NR5A2: variants seen among roughly 807,000 people sequenced by gnomAD.
The protein encoded by NR5A2 is nuclear receptor subfamily 5 group A member 2, also known as CYP7A promoter-binding factor.
In NR5A2, 26 loss-of-function variants were observed where a neutral mutation model predicts 62.7. The observed-to-expected ratio is 0.41, with a 90% CI of 0.30 to 0.58. The LOEUF (loss-of-function observed/expected upper bound fraction) is 0.58. Ranked by LOEUF, NR5A2 falls within the 20% of genes least tolerant of loss-of-function variation. The probability of loss-of-function intolerance (pLI) is 0.22; values close to 1 mark genes in which losing one functional copy is unlikely to be tolerated. For missense variants in NR5A2, 541 were observed against 669.1 expected (o/e 0.81, Z 2.11); for synonymous variants, 246 against 241.7 (o/e 1.02, Z -0.16).
chr1:200,096,450 C>T (rs1033755015), intron 5 of NR5A2, among the ~76,000 whole-genome samples: 4 of 152,146 alleles, frequency 2.6e-5, no homozygotes, highest in Admixed American at 2.6e-4. Flanking sequence ...CTATGGAAAA[C>T]AGACTGTGGT....
At chr1:200,148,016 G>T in intron 7 of NR5A2, 2 of 306,836 alleles carry the variant, frequency 6.5e-6, no homozygotes, top group South Asian at 1.0e-4. Context: ...CGCCCAGTTC[G>T]AAGGCCACGT....
At chr1:200,062,779 T>C (rs1663284955) in intron 5 of NR5A2, among the ~76,000 whole-genome samples, 1 of 152,186 alleles carries the variant, frequency 6.6e-6, no homozygotes, top group African/African-American at 2.4e-5. Flanking sequence ...AAAGCTCTAC[T>C]GCTAAAAACT....
At chr1:200,151,950 A>G (rs1017809534) in intron 7 of NR5A2, among the ~76,000 whole-genome samples, 1 of 152,260 alleles carries the variant, frequency 6.6e-6, no homozygotes, top group Non-Finnish European at 1.5e-5. Flanking sequence ...GGTCTTAATC[A>G]GATCCAGGAG....
rs7532318 is a variant in NR5A2 at position 200,130,321 on chromosome 1, G to A, written c.1378+9366G>A. ...AGAAGAAGAAGAAGAAGAAGAAGAAGAAAAAAAAAATCCAACAGAGAAATT... is the reference window on the plus strand; with the variant it reads ...AGAAGAAGAAGAAGAAGAAGAAGAAAAAAAAAAAAATCCAACAGAGAAATT... On this transcript the variant is annotated intron_variant, in intron 7 of 7. Coordinates refer to ENST00000367362, the MANE Select transcript of NR5A2 (RefSeq NM_205860.3). 3.5e-3 allele frequency among the ~76,000 whole-genome samples: 112 copies of A among 31,684 alleles called. 4 individuals are homozygous for A. Among genetic ancestry groups the A allele is most frequent in the East Asian group, 4.2e-3 (5 of 1,186 alleles). 20.8% of individuals were successfully genotyped at this position (31,684 alleles called of 152,430 possible). A position where few individuals can be genotyped will look rare whatever the true frequency, so the allele number is the denominator to read the frequency against.
intron 5 of NR5A2, among the ~76,000 whole-genome samples, chr1:200,070,164 G>T (rs984547815): frequency 6.6e-6 from 1 of 152,100 alleles, no homozygotes; most frequent in African/African-American, 2.4e-5. Context: ...TTTTTCCCAG[G>T]CATCTACTTT....
intron 7 of NR5A2, among the ~76,000 whole-genome samples, chr1:200,157,130 C>T (rs1162907018): frequency 6.6e-6 from 1 of 152,146 alleles, no homozygotes; most frequent in Non-Finnish European, 1.5e-5. Flanking sequence ...ACTTTATAAG[C>T]CAGGCACTGT....
chr1:200,031,641 T>A (rs61819896), intron 1 of NR5A2, among the ~76,000 whole-genome samples: 18,279 of 146,884 alleles, frequency 0.12, 1,670 homozygotes, highest in African/African-American at 0.26. Context: ...TGCAATGGCA[T>A]GATCTTGGCT....
At chr1:200,030,262 T>A (rs575541533) in intron 1 of NR5A2, among the ~76,000 whole-genome samples, 1 of 152,174 alleles carries the variant, frequency 6.6e-6, no homozygotes, top group African/African-American at 2.4e-5. Context: ...TTCAGTTGTG[T>A]TGTACTAGGA....
At position 200,174,260 on chromosome 1, in the gene NR5A2, G is replaced by GT; in HGVS notation, c.*51dup. On this transcript the variant is annotated 3_prime_UTR_variant, in exon 8 of 8. Coordinates refer to ENST00000367362, the MANE Select transcript of NR5A2 (RefSeq NM_205860.3). ...TTCAAAACAAAAAGAGATTGGGGGA[G>GT]TGGGGAGGGGGAAGAAGAACAGGAA... is the stretch of plus-strand genomic sequence containing the variant. 1 of 1,466,432 alleles carries GT rather than the reference G, an allele frequency of 6.8e-7. No individual in the cohort carries two copies. The highest frequency in any genetic ancestry group is 9.0e-7 in the Non-Finnish European group (1 of 1,108,006). The allele number at this position is 1,466,432 out of a possible 1,614,324, so 90.8% of individuals were successfully genotyped here. A position where few individuals can be genotyped will look rare whatever the true frequency, so the allele number is the denominator to read the frequency against.
chr1:200,129,338 A>T (rs545585472), intron 7 of NR5A2, among the ~76,000 whole-genome samples: 1 of 152,348 alleles, frequency 6.6e-6, no homozygotes, highest in South Asian at 2.1e-4. Flanking sequence ...CTGATCTCAC[A>T]TCTCACTTAA....
chr1:200,051,615 A>G (rs1337477513), intron 5 of NR5A2, among the ~76,000 whole-genome samples: 3 of 152,180 alleles, frequency 2.0e-5, no homozygotes, highest in African/African-American at 4.8e-5. Flanking sequence ...ATTTTGACCC[A>G]CTTCACAGTT....
chr1:200,131,738 C>A (rs1666977927), intron 7 of NR5A2, among the ~76,000 whole-genome samples: 1 of 152,204 alleles, frequency 6.6e-6, no homozygotes, highest in African/African-American at 2.4e-5. Context: ...GGCCTCAGGT[C>A]TGTTCTACAA....
At chr1:200,151,088 G>C (rs1016407721) in intron 7 of NR5A2, among the ~76,000 whole-genome samples, 3 of 152,264 alleles carry the variant, frequency 2.0e-5, no homozygotes, top group Admixed American at 2.0e-4. Flanking sequence ...AGAAAGGTGG[G>C]GCTGGGAGGA....
intron 7 of NR5A2, among the ~76,000 whole-genome samples, chr1:200,170,736 G>A (rs1524162): frequency 0.42 from 64,326 of 152,012 alleles, 13,910 homozygotes; most frequent in African/African-American, 0.52. Context: ...TGCAAAACAT[G>A]TAAATTAGAA....
chr1:200,156,995 A>G (rs760395101), intron 7 of NR5A2, among the ~76,000 whole-genome samples: 21 of 152,196 alleles, frequency 1.4e-4, no homozygotes, highest in Non-Finnish European at 2.6e-4. Context: ...ATGCTGACTG[A>G]TACATTAGGC....
chr1:200,059,270 T>G (rs887630253), intron 5 of NR5A2, among the ~76,000 whole-genome samples: 5 of 152,128 alleles, frequency 3.3e-5, no homozygotes, highest in African/African-American at 1.2e-4. Flanking sequence ...GGGCACAGAA[T>G]GAGGCAGTCA....
chr1:200,168,353 G>C (rs1654008242), intron 7 of NR5A2, among the ~76,000 whole-genome samples: 3 of 151,850 alleles, frequency 2.0e-5, no homozygotes, highest in Admixed American at 2.0e-4. Context: ...GAGACTACAG[G>C]CACACACCAC....
intron 5 of NR5A2, among the ~76,000 whole-genome samples, chr1:200,083,710 T>C (rs1346170830): frequency 6.6e-6 from 1 of 152,172 alleles, no homozygotes; most frequent in Middle Eastern, 3.2e-3. Context: ...CTCATGCCTG[T>C]AACTCCAACA....
At chr1:200,159,478 TG>T (rs1571573366) in intron 7 of NR5A2, among the ~76,000 whole-genome samples, 2 of 152,182 alleles carry the variant, frequency 1.3e-5, no homozygotes, top group African/African-American at 4.8e-5. Context: ...CACCTAACTT[TG>T]CCTTCGTGCT....
Sources: allele counts gnomAD v4.1 joint callset (sites outside exome capture counted in the v4.1 genomes callset), GRCh38; gene constraint gnomAD v4.1.1; transcripts MANE v1.5; gene names NCBI Gene and HGNC (gene_info 2026-07-23, HGNC 2026-07-21).